The following ULK4 variants were observed in gnomAD, a reference collection of about 807,000 sequenced individuals.
The protein encoded by ULK4 is inactive serine/threonine-protein kinase ULK4.
In ULK4, 133 loss-of-function variants were observed where a neutral mutation model predicts 160.6. That is an observed-to-expected ratio of 0.83 (90% CI 0.72 to 0.96). The LOEUF is 0.96. Among genes scored for constraint, ULK4 ranks in the 40% least tolerant of loss-of-function variants. The pLI is 0.00. For synonymous variants in ULK4, 534 were observed against 539.8 expected, an observed-to-expected ratio of 0.99 and a Z score of 0.15; for missense variants, 1,580 against 1,499.5, an observed-to-expected ratio of 1.05 and a Z score of -0.89.
rs964928262 is a variant in ULK4, at chr3:41,773,674, A to C, written c.2193+15987T>G. ...AGGTAATTTATAAATTCAATGCCAT[A>C]CCCATCAAGCTACCAATGACTTTCT... On this transcript the variant is annotated intron_variant, in intron 21 of 36. Transcript: ENST00000301831. 2.2e-4 allele frequency among the ~76,000 whole-genome samples: 33 copies of C among 152,196 alleles called. 1 individual carries two copies. The highest frequency in any genetic ancestry group is 4.1e-4 in the South Asian group (2 of 4,820).
intron 27 of ULK4, 116 bp from the exon 28 acceptor site, chr3:41,681,920 C>T (rs1052002698): frequency 3.3e-5 from 35 of 1,047,032 alleles, no homozygotes; most frequent in African/African-American, 6.5e-5. Context: ...AAAAAAGCAA[C>T]GGCTAAGTTT....
intron 32 of ULK4, among the ~76,000 whole-genome samples, chr3:41,482,912 T>C (rs2084379081): frequency 6.6e-6 from 1 of 152,234 alleles, no homozygotes; most frequent in South Asian, 2.1e-4. Flanking sequence ...TATATATTTA[T>C]AAGGTACATG....
chr3:41,503,464 A>G (rs1263822767), intron 32 of ULK4, among the ~76,000 whole-genome samples: 1 of 152,206 alleles, frequency 6.6e-6, no homozygotes, highest in Non-Finnish European at 1.5e-5. Flanking sequence ...GACACTTCAC[A>G]TATCATTTAT....
chr3:41,762,655 C>CGTTTTTTTTTTTTTTTTT (rs538388454), intron 21 of ULK4, among the ~76,000 whole-genome samples: 1 of 88,976 alleles, frequency 1.1e-5, no homozygotes, highest in African/African-American at 4.5e-5. Flanking sequence ...AAGTGTTACA[C>CGTTTTTTTTTTTTTTTTT]TTTTTTTTTT....
chr3:41,785,838 C>T (rs2039983825), intron 21 of ULK4, among the ~76,000 whole-genome samples: 1 of 152,192 alleles, frequency 6.6e-6, no homozygotes, highest in African/African-American at 2.4e-5. Context: ...CTTCTTCCAA[C>T]TGCCCAGGTT....
chr3:41,296,147 T>C (rs761359645), intron 35 of ULK4, among the ~76,000 whole-genome samples: 1 of 152,214 alleles, frequency 6.6e-6, no homozygotes, highest in Non-Finnish European at 1.5e-5. Context: ...GTTCATCGAC[T>C]GTGACAAATA....
At chr3:41,305,684 G>T (rs1034128047) in intron 35 of ULK4, among the ~76,000 whole-genome samples, 1 of 139,096 alleles carries the variant, frequency 7.2e-6, no homozygotes, top group Non-Finnish European at 1.5e-5. Flanking sequence ...GCCGCCCATC[G>T]TCTGGGATGT....
At chr3:41,752,078 A>G (rs1692611363) in intron 22 of ULK4, among the ~76,000 whole-genome samples, 1 of 152,196 alleles carries the variant, frequency 6.6e-6, no homozygotes, top group Non-Finnish European at 1.5e-5. Flanking sequence ...ACAAAAGCTG[A>G]TTTGCAGTGT....
intron 19 of ULK4, among the ~76,000 whole-genome samples, chr3:41,810,502 T>C (rs570766761): frequency 1.2e-4 from 18 of 152,322 alleles, no homozygotes; most frequent in African/African-American, 3.8e-4. Context: ...CTGTTCTATT[T>C]CTCTGTCTCT....
At chr3:41,825,877 A>C (rs915520211) in intron 18 of ULK4, among the ~76,000 whole-genome samples, 4 of 152,224 alleles carry the variant, frequency 2.6e-5, no homozygotes, top group Non-Finnish European at 5.9e-5. Context: ...GAAAGTTGAA[A>C]TGAAGAACAA....
chr3:41,518,857 G>A (rs1221816876), intron 32 of ULK4, among the ~76,000 whole-genome samples: 2 of 152,238 alleles, frequency 1.3e-5, no homozygotes, highest in African/African-American at 4.8e-5. Context: ...GTGAATGTAT[G>A]TTTCAGCACA....
chr3:41,665,488 A>G (rs2035323491), intron 29 of ULK4, among the ~76,000 whole-genome samples: 1 of 152,212 alleles, frequency 6.6e-6, no homozygotes, highest in South Asian at 2.1e-4. Context: ...ATGAGTCAAG[A>G]CAATGTTAAG....
intron 34 of ULK4, among the ~76,000 whole-genome samples, chr3:41,410,658 T>A (rs1027530179): frequency 4.6e-5 from 7 of 152,168 alleles, no homozygotes; most frequent in African/African-American, 1.4e-4. Flanking sequence ...GTATGTGAAT[T>A]ATCGCTCAAT....
Position 41,705,161 on chromosome 3 carries a change from C to G in ULK4, c.2687-10G>C, listed in dbSNP as rs1047023756. 2 of 1,610,318 alleles carry G rather than the reference C, an allele frequency of 1.2e-6. No individual in the cohort carries two copies. The highest frequency in any genetic ancestry group is 1.3e-5 in the African/African-American group (1 of 74,836). ...TCTGATGCTGTCAGTCCTAGAAATA[C>G]AGTTAATTATTATAGGTGTTTATTT... On this transcript the variant is annotated splice_polypyrimidine_tract_variant and intron_variant, in intron 26 of 36. Transcript: ENST00000301831.
At chr3:41,506,767 A>AAAAAAAAATATATATATATATAAATATAT in intron 32 of ULK4, among the ~76,000 whole-genome samples, 8 of 56,766 alleles carry the variant, frequency 1.4e-4, no homozygotes, top group Non-Finnish European at 2.2e-4. Context: ...TGTGATTTAA[A>AAAAAAAAATATATATATATATAAATATAT]ATATATATAT....
intron 31 of ULK4, among the ~76,000 whole-genome samples, chr3:41,583,065 T>C (rs952444262): frequency 6.6e-6 from 1 of 152,208 alleles, no homozygotes; most frequent in African/African-American, 2.4e-5. Context: ...GACACTGATA[T>C]CAAACAGCAG....
chr3:41,506,364 T>G (rs555458887), intron 32 of ULK4, among the ~76,000 whole-genome samples: 1 of 152,244 alleles, frequency 6.6e-6, no homozygotes, highest in African/African-American at 2.4e-5. Context: ...CTAACCTAGC[T>G]GAAAAGATGG....
At chr3:41,404,082 T>C (rs188795693) in intron 34 of ULK4, among the ~76,000 whole-genome samples, 17 of 152,336 alleles carry the variant, frequency 1.1e-4, no homozygotes, top group Middle Eastern at 3.4e-3. Context: ...TGAAGTGCTC[T>C]CTATCAATTA....
At chr3:41,551,073 A>T (rs1453875560) in intron 32 of ULK4, among the ~76,000 whole-genome samples, 3 of 151,926 alleles carry the variant, frequency 2.0e-5, no homozygotes, top group Non-Finnish European at 2.9e-5. Context: ...ACAAAAAAAA[A>T]GTTACTGAAA....
Sources: gnomAD v4.1 joint callset for allele counts (sites outside exome capture counted in the v4.1 genomes callset) on GRCh38, gnomAD v4.1.1 for gene constraint, MANE v1.5 for transcripts, NCBI Gene and HGNC (gene_info 2026-07-23, HGNC 2026-07-21) for gene names.